ADGRL3: variants seen among roughly 807,000 people sequenced by gnomAD.
ADGRL3 encodes adhesion G protein-coupled receptor L3.
In ADGRL3, 62 loss-of-function variants were observed where a neutral mutation model predicts 153.5. That is an observed-to-expected ratio of 0.40 (90% confidence interval 0.33 to 0.50). The LOEUF is 0.50. Ranked by LOEUF, ADGRL3 falls within the 20% of genes least tolerant of loss-of-function variation. The pLI is 0.47. For synonymous variants in ADGRL3, 710 were observed against 672.5 expected, an observed-to-expected ratio of 1.06 and a Z score of -0.86; for missense variants, 1,641 against 1,859.4, an observed-to-expected ratio of 0.88 and a Z score of 2.16.
chr4:61,517,411 A>T lies in ADGRL3; in HGVS notation c.152A>T (p.Gln51Leu), dbSNP rs1479806978. 1.3e-6 allele frequency: 1 copy of T among 776,598 alleles called. No individual in the cohort carries two copies. The highest frequency in any genetic ancestry group is 2.2e-6 in the Non-Finnish European group (1 of 452,340). The allele number at this position is 776,598 out of a possible 1,614,324, so 48.1% of individuals were successfully genotyped here. Reference sequence around the variant, plus strand: ...GCTCTTCCACCCAGACATCTGCTTCAGCAGCCAGCTGCAGAGCGCACCGCT... The same window carrying T: ...GCTCTTCCACCCAGACATCTGCTTCTGCAGCCAGCTGCAGAGCGCACCGCT... ...GGALPPRHLL[Q>L]QPAAERTAAH... Residue 51 changes from glutamine to leucine, a missense_variant, in exon 4 of 27, where the codon CAG (glutamine) becomes CTG (leucine). By Grantham distance (113) the Gln-to-Leu change is moderately radical. Coordinates refer to ENST00000683033, the MANE Select transcript of ADGRL3 (RefSeq NM_001387552.1).
At chr4:61,586,651 G>A (rs1257827003) in intron 4 of ADGRL3, among the ~76,000 whole-genome samples, 1 of 151,968 alleles carries the variant, frequency 6.6e-6, no homozygotes, top group Non-Finnish European at 1.5e-5. Context: ...GGAAGAGTAT[G>A]GGGAGGAGCT....
intron 17 of ADGRL3, among the ~76,000 whole-genome samples, chr4:61,969,333 C>T (rs932069670): frequency 6.6e-6 from 1 of 151,222 alleles, no homozygotes; most frequent in African/African-American, 2.4e-5. Context: ...GATTGACTTA[C>T]AAAAACTTGC....
chr4:61,553,338 A>G (rs1286852402), intron 4 of ADGRL3, among the ~76,000 whole-genome samples: 1 of 152,206 alleles, frequency 6.6e-6, no homozygotes, highest in Non-Finnish European at 1.5e-5. Context: ...TAATCATAAT[A>G]CAAATAAGTA....
At chr4:62,060,232 A>G (rs886809853) in intron 25 of ADGRL3, among the ~76,000 whole-genome samples, 3 of 151,954 alleles carry the variant, frequency 2.0e-5, no homozygotes, top group Non-Finnish European at 4.4e-5. Context: ...AAAAATATAT[A>G]TGTATTTAAG....
At chr4:61,395,428 G>T (rs1054645943) in intron 2 of ADGRL3, among the ~76,000 whole-genome samples, 5 of 151,930 alleles carry the variant, frequency 3.3e-5, no homozygotes, top group African/African-American at 1.2e-4. Flanking sequence ...TGAATTAATG[G>T]AGTCTTCACC....
At chr4:61,625,048 A>G (rs1299519994) in intron 5 of ADGRL3, among the ~76,000 whole-genome samples, 1 of 152,252 alleles carries the variant, frequency 6.6e-6, no homozygotes, top group East Asian at 1.9e-4. Context: ...ATACTGAACC[A>G]AAAAGAGCTG....
At chr4:61,848,463 CTTTCT>C (rs1386405112) in intron 9 of ADGRL3, among the ~76,000 whole-genome samples, 2 of 151,840 alleles carry the variant, frequency 1.3e-5, no homozygotes, top group East Asian at 3.9e-4. Flanking sequence ...TCTCTGTGTC[CTTTCT>C]TTTCTTATAA....
chr4:61,973,817 A>G (rs967345027), intron 17 of ADGRL3, among the ~76,000 whole-genome samples: 4 of 152,166 alleles, frequency 2.6e-5, no homozygotes, highest in Admixed American at 2.6e-4. Flanking sequence ...TTTTGTTCTA[A>G]CTTAAGGAAA....
At chr4:61,954,435 G>A (rs966227027) in intron 17 of ADGRL3, among the ~76,000 whole-genome samples, 6 of 151,926 alleles carry the variant, frequency 3.9e-5, no homozygotes, top group Admixed American at 2.0e-4. Context: ...ATAGTTGCCA[G>A]AGGGATACTT....
At chr4:62,042,410 G>T (rs1728862178) in intron 24 of ADGRL3, among the ~76,000 whole-genome samples, 1 of 150,042 alleles carries the variant, frequency 6.7e-6, no homozygotes, top group Non-Finnish European at 1.5e-5. Context: ...TATACCTTCA[G>T]AAAAAAAAAT....
intron 1 of ADGRL3, among the ~76,000 whole-genome samples, chr4:61,372,657 C>T (rs11945615): frequency 1.3e-5 from 2 of 152,176 alleles, no homozygotes; most frequent in African/African-American, 4.8e-5. Context: ...ACGTTTAAGT[C>T]TGCAGAGGTT....
At chr4:61,398,924 A>G (rs1560573467) in intron 2 of ADGRL3, among the ~76,000 whole-genome samples, 1 of 151,244 alleles carries the variant, frequency 6.6e-6, no homozygotes, top group East Asian at 1.9e-4. Context: ...ACTTCCCACA[A>G]CCCCCACCAA....
intron 9 of ADGRL3, among the ~76,000 whole-genome samples, chr4:61,861,615 TTCATGAGCAGAATAAAATGAATTCTTG>T: frequency 6.6e-6 from 1 of 151,990 alleles, no homozygotes; most frequent in African/African-American, 2.4e-5. Flanking sequence ...ATGACAAGAA[TTCATGAGCAGAATAAAATGAATTCTTG>T]TCATGAGCAG....
At chr4:61,781,047 C>T (rs1367511502) in intron 8 of ADGRL3, among the ~76,000 whole-genome samples, 1 of 152,108 alleles carries the variant, frequency 6.6e-6, no homozygotes, top group Non-Finnish European at 1.5e-5. Context: ...GTTGTCTCAG[C>T]TGGGCATGGT....
intron 15 of ADGRL3, among the ~76,000 whole-genome samples, chr4:61,945,889 C>G (rs1010074576): frequency 6.6e-6 from 1 of 152,114 alleles, no homozygotes; most frequent in Admixed American, 6.6e-5. Context: ...CAGAAATCAC[C>G]CGTCTTCTGC....
chr4:61,656,631 A>G (rs34538250), intron 5 of ADGRL3, among the ~76,000 whole-genome samples: 52,652 of 152,050 alleles, frequency 0.35, 11,272 homozygotes, highest in Non-Finnish European at 0.49. Context: ...GTTTTTTACA[A>G]AAGGTATTTG....
At chr4:61,371,840 C>G (rs1258156985) in intron 1 of ADGRL3, among the ~76,000 whole-genome samples, 1 of 152,068 alleles carries the variant, frequency 6.6e-6, no homozygotes, top group Non-Finnish European at 1.5e-5. Context: ...CAACTTGGTT[C>G]CATTCTCCCC....
At chr4:61,647,959 T>C (rs2094099289) in intron 5 of ADGRL3, among the ~76,000 whole-genome samples, 1 of 152,192 alleles carries the variant, frequency 6.6e-6, no homozygotes, top group East Asian at 1.9e-4. Flanking sequence ...TTATGATCCA[T>C]AATTTTCCTA....
At chr4:61,580,334 T>C (rs1028684125) in intron 4 of ADGRL3, among the ~76,000 whole-genome samples, 1 of 152,108 alleles carries the variant, frequency 6.6e-6, no homozygotes, top group East Asian at 1.9e-4. Flanking sequence ...CACCTATTAG[T>C]AATTCAACAC....
Sources: gnomAD v4.1 joint callset for allele counts (sites outside exome capture counted in the v4.1 genomes callset) on GRCh38, gnomAD v4.1.1 for gene constraint, MANE v1.5 for transcripts, NCBI Gene and HGNC (gene_info 2026-07-23, HGNC 2026-07-21) for gene names.